TRIQK: variants seen among roughly 807,000 people sequenced by gnomAD.
The protein encoded by TRIQK is triple QxxK/R motif containing.
In TRIQK, 10 loss-of-function variants were observed where a neutral mutation model predicts 10.8. The observed-to-expected ratio is 0.92, with a 90% CI of 0.57 to 1.57. The LOEUF (loss-of-function observed/expected upper bound fraction) is 1.57, where lower values mean the gene tolerates loss of function less well. TRIQK is among the 40% of genes most tolerant of loss of function. The pLI, the probability that TRIQK is intolerant of heterozygous loss-of-function variation, is 0.00. For missense variants in TRIQK, 107 were observed against 97.7 expected, an observed-to-expected ratio of 1.09 and a Z score of -0.40; for synonymous variants, 33 against 33.7, an observed-to-expected ratio of 0.98 and a Z score of 0.07.
At chr8:93,007,014 C>T (rs1161405472) in intron 1 of TRIQK, among the ~76,000 whole-genome samples, 1 of 152,230 alleles carries the variant, frequency 6.6e-6, no homozygotes, top group Non-Finnish European at 1.5e-5. Flanking sequence ...CAGAGTGCTT[C>T]ATTAAGTGGG....
chr8:92,915,488 C>CTT (rs759774758), intron 3 of TRIQK, among the ~76,000 whole-genome samples: 8,568 of 143,612 alleles, frequency 0.06, 454 homozygotes, highest in African/African-American at 0.14. Flanking sequence ...TATAAACATT[C>CTT]TTTTTTTTTT....
At chr8:92,935,806 A>T (rs766833723) in intron 2 of TRIQK, among the ~76,000 whole-genome samples, 1 of 151,524 alleles carries the variant, frequency 6.6e-6, no homozygotes, top group Non-Finnish European at 1.5e-5. Flanking sequence ...TTCTATTAAA[A>T]ATGCCATATC....
At chr8:92,986,855 G>T (rs1341895082) in intron 1 of TRIQK, among the ~76,000 whole-genome samples, 2 of 152,120 alleles carry the variant, frequency 1.3e-5, no homozygotes, top group African/African-American at 2.4e-5. Context: ...ATAATTGGGT[G>T]CCATCTAAGG....
chr8:93,009,595 G>A (rs200578261), intron 1 of TRIQK, among the ~76,000 whole-genome samples: 14 of 150,420 alleles, frequency 9.3e-5, no homozygotes, highest in Non-Finnish European at 1.8e-4. Context: ...GTGACAGAGT[G>A]AGACTCTGCC....
intron 1 of TRIQK, among the ~76,000 whole-genome samples, chr8:92,982,421 A>G (rs746538405): frequency 1.3e-5 from 2 of 152,024 alleles, no homozygotes; most frequent in Non-Finnish European, 2.9e-5. Flanking sequence ...TGAAAACTCA[A>G]TAAAGTATTT....
At chr8:92,908,875 T>C in intron 3 of TRIQK, among the ~76,000 whole-genome samples, 1 of 152,014 alleles carries the variant, frequency 6.6e-6, no homozygotes, top group East Asian at 1.9e-4. Flanking sequence ...ATAAAGACTT[T>C]TATATTTCCT....
At chr8:92,910,839 C>G (rs1304783951) in intron 3 of TRIQK, among the ~76,000 whole-genome samples, 1 of 151,112 alleles carries the variant, frequency 6.6e-6, no homozygotes, top group Non-Finnish European at 1.5e-5. Context: ...AAAGCAAAAA[C>G]TGATAGCATT....
At chr8:92,934,148 T>C (rs1180306388) in intron 2 of TRIQK, among the ~76,000 whole-genome samples, 2 of 151,998 alleles carry the variant, frequency 1.3e-5, no homozygotes, top group African/African-American at 4.8e-5. Context: ...AGACGTTCAA[T>C]GATTATCCCT....
intron 2 of TRIQK, among the ~76,000 whole-genome samples, chr8:92,925,107 G>A (rs565938632): frequency 9.5e-4 from 144 of 152,194 alleles, no homozygotes; most frequent in African/African-American, 3.1e-3. Flanking sequence ...AATCTTAGTC[G>A]TTGGGACTCA....
intron 2 of TRIQK, among the ~76,000 whole-genome samples, chr8:92,938,148 A>G (rs1811084136): frequency 6.6e-6 from 1 of 152,034 alleles, no homozygotes; most frequent in Non-Finnish European, 1.5e-5. Flanking sequence ...TTCTAGGGTC[A>G]CAACTATTCT....
intron 1 of TRIQK, among the ~76,000 whole-genome samples, chr8:92,993,482 TAC>T (rs1428071380): frequency 6.6e-6 from 1 of 152,166 alleles, no homozygotes; most frequent in Non-Finnish European, 1.5e-5. Flanking sequence ...ATCACTTTGA[TAC>T]ACAGGCTAAT....
intron 1 of TRIQK, among the ~76,000 whole-genome samples, chr8:92,990,585 G>C (rs2130749601): frequency 6.6e-6 from 1 of 152,216 alleles, no homozygotes; most frequent in Admixed American, 6.5e-5. Flanking sequence ...TTAGACAGTG[G>C]GTGCAGCCCA....
intron 3 of TRIQK, among the ~76,000 whole-genome samples, chr8:92,907,353 T>G (rs1027063784): frequency 2.6e-5 from 4 of 152,158 alleles, no homozygotes; most frequent in Non-Finnish European, 4.4e-5. Flanking sequence ...AAGACTAAGA[T>G]TCACTTAACA....
chr8:93,008,195 C>T (rs956056779), intron 1 of TRIQK, among the ~76,000 whole-genome samples: 1 of 152,138 alleles, frequency 6.6e-6, no homozygotes, highest in Non-Finnish European at 1.5e-5. Context: ...AGGCTTAATA[C>T]CCAGGTGATG....
chr8:92,924,211 C>T (rs1203553288), intron 2 of TRIQK, among the ~76,000 whole-genome samples: 1 of 151,916 alleles, frequency 6.6e-6, no homozygotes, highest in Admixed American at 6.6e-5. Flanking sequence ...ATAATAAACA[C>T]AGAAGATATT....
chr8:92,965,386 C>T (rs534383208), intron 1 of TRIQK: 2 of 152,450 alleles, frequency 1.3e-5, no homozygotes, highest in South Asian at 2.1e-4. Context: ...CGCCCCACAA[C>T]CTCACCACCA....
chr8:92,908,699 T>C (rs984338273), intron 3 of TRIQK, among the ~76,000 whole-genome samples: 1 of 152,074 alleles, frequency 6.6e-6, no homozygotes, highest in Non-Finnish European at 1.5e-5. Flanking sequence ...TGTCCATTTA[T>C]ATAGACCACA....
intron 3 of TRIQK, among the ~76,000 whole-genome samples, chr8:92,906,572 C>T (rs982722390): frequency 6.6e-6 from 1 of 151,982 alleles, no homozygotes; most frequent in Non-Finnish European, 1.5e-5. Context: ...TTGCTTGCTC[C>T]TAGAATGTAA....
intron 2 of TRIQK, among the ~76,000 whole-genome samples, chr8:92,918,868 G>T (rs1039232947): frequency 3.3e-5 from 5 of 150,962 alleles, no homozygotes; most frequent in Non-Finnish European, 5.9e-5. Flanking sequence ...TTACATTTAA[G>T]TCTTTAATCC....
Sources: gnomAD v4.1 joint callset for allele counts (sites outside exome capture counted in the v4.1 genomes callset) on GRCh38, gnomAD v4.1.1 for gene constraint, MANE v1.5 for transcripts, NCBI Gene and HGNC (gene_info 2026-07-23, HGNC 2026-07-21) for gene names.